Variants in EPB41L5 observed in about 807,000 individuals in gnomAD.
The protein encoded by EPB41L5 is erythrocyte membrane protein band 4.1 like 5.
A neutral mutation model predicts 106.6 loss-of-function variants in EPB41L5; 55 were observed. The observed-to-expected ratio is 0.52, with a 90% CI of 0.42 to 0.65. The LOEUF (loss-of-function observed/expected upper bound fraction) is 0.65. Ranked by LOEUF, EPB41L5 falls within the 30% of genes least tolerant of loss-of-function variation. The pLI, the probability that EPB41L5 is intolerant of heterozygous loss-of-function variation, is 0.00. For missense variants in EPB41L5, 871 were observed against 882.1 expected, an observed-to-expected ratio of 0.99 and a Z score of 0.16; for synonymous variants, 297 against 306.7, an observed-to-expected ratio of 0.97 and a Z score of 0.33.
chr2:120,075,476 G>A lies in EPB41L5; in HGVS notation c.408G>A (p.Arg136=). 3 of 1,576,806 alleles carry A rather than the reference G, an allele frequency of 1.9e-6. No homozygotes were observed. The highest frequency in any genetic ancestry group is 2.6e-6 in the Non-Finnish European group (3 of 1,148,192). Residue 136 remains arginine, a splice_region_variant and synonymous_variant, in exon 6 of 25, where the codon CGG becomes CGA. Coordinates refer to ENST00000263713, the MANE Select transcript of EPB41L5 (RefSeq NM_020909.4). ...AATTTGTGCCTTTCATTTTTCTTAG[G>A]TATTTATTTGTTCTTCAGTTAAAAC... ...EPNNLREELT[R]YLFVLQLKQD...
intron 19 of EPB41L5, among the ~76,000 whole-genome samples, chr2:120,145,673 G>A (rs964033138): frequency 3.9e-5 from 6 of 152,220 alleles, no homozygotes; most frequent in South Asian, 2.1e-4. Flanking sequence ...TGCCAGGTGC[G>A]GTGCCTCATG....
chr2:120,018,905 C>G (rs1003325383), intron 1 of EPB41L5, among the ~76,000 whole-genome samples, 172 bp from the exon 2 acceptor site: 3 of 152,104 alleles, frequency 2.0e-5, no homozygotes, highest in Non-Finnish European at 4.4e-5. Flanking sequence ...CTAGGCCTCC[C>G]GAAGTGTTGA....
intron 14 of EPB41L5, among the ~76,000 whole-genome samples, chr2:120,097,809 AAG>A (rs1231275525): frequency 3.3e-5 from 5 of 152,246 alleles, no homozygotes; most frequent in African/African-American, 1.2e-4. Context: ...ATGGAAGTGA[AAG>A]AATGTATATA....
chr2:120,014,722 C>T (rs956872971), intron 1 of EPB41L5, among the ~76,000 whole-genome samples: 2 of 151,938 alleles, frequency 1.3e-5, no homozygotes, highest in Non-Finnish European at 2.9e-5. Context: ...GAAAAATGGT[C>T]CAGAATTAAA....
At chr2:120,089,005 ACTC>A (rs1683240599) in intron 11 of EPB41L5, among the ~76,000 whole-genome samples, 2 of 151,866 alleles carry the variant, frequency 1.3e-5, no homozygotes, top group Admixed American at 6.6e-5. Context: ...AGTATCGTCT[ACTC>A]CTTGTTTTGC....
At chr2:120,061,683 T>G (rs766056578) in intron 3 of EPB41L5, among the ~76,000 whole-genome samples, 4 of 152,124 alleles carry the variant, frequency 2.6e-5, no homozygotes, top group Non-Finnish European at 4.4e-5. Flanking sequence ...AAAAATAAGT[T>G]AGTTAGATGG....
rs1687983063 is a variant in EPB41L5 at position 120,178,155 on chromosome 2, T to C, written c.*3248T>C. On this transcript the variant is annotated 3_prime_UTR_variant, in exon 25 of 25. Coordinates refer to ENST00000263713, the MANE Select transcript of EPB41L5 (RefSeq NM_020909.4). ...AGCAGCAGCAGCCCCAGCACAGCTG[T>C]GTTCCTGCGGAGTCCCCTTTACAAA... is the stretch of plus-strand genomic sequence containing the variant. 1 of 152,458 alleles carries C rather than the reference T, an allele frequency of 6.6e-6. No individual in the cohort carries two copies. The highest frequency in any genetic ancestry group is 1.5e-5 in the Non-Finnish European group (1 of 68,080). The allele number at this position is 152,458 out of a possible 1,614,324, so 9.4% of individuals were successfully genotyped here.
chr2:120,082,652 A>G (rs1191450228), intron 10 of EPB41L5, among the ~76,000 whole-genome samples: 3 of 152,108 alleles, frequency 2.0e-5, no homozygotes, highest in Non-Finnish European at 1.5e-5. Context: ...CTCTTTTTCT[A>G]TCAGTTAGAA....
At chr2:120,055,951 C>T (rs1680621000) in intron 3 of EPB41L5, among the ~76,000 whole-genome samples, 1 of 152,046 alleles carries the variant, frequency 6.6e-6, no homozygotes. Context: ...CCTCAGTGCC[C>T]TGGCTAGAAC....
chr2:120,026,660 C>T (rs960077203), intron 2 of EPB41L5, among the ~76,000 whole-genome samples: 8 of 152,010 alleles, frequency 5.3e-5, no homozygotes, highest in Non-Finnish European at 8.8e-5. Flanking sequence ...TGAGCCACTG[C>T]GCCCGGCCTG....
intron 12 of EPB41L5, among the ~76,000 whole-genome samples, chr2:120,091,352 A>G (rs992430021): frequency 6.6e-6 from 1 of 152,334 alleles, no homozygotes; most frequent in Non-Finnish European, 1.5e-5. Context: ...AGAAAAATAA[A>G]ACCAACATAA....
intron 2 of EPB41L5, among the ~76,000 whole-genome samples, chr2:120,033,967 A>G (rs1186592027): frequency 4.0e-5 from 6 of 151,524 alleles, no homozygotes; most frequent in African/African-American, 1.2e-4. Context: ...ATGATGGTGC[A>G]CACCTGTGGT....
chr2:120,073,292 G>A (rs1303719053), intron 4 of EPB41L5, 72 bp downstream of exon 4: 5 of 1,251,260 alleles, frequency 4.0e-6, no homozygotes, highest in African/African-American at 1.5e-5. Flanking sequence ...TTTCTAATAG[G>A]ATGTAAGAAA....
chr2:120,062,065 T>C (rs1681122091), intron 3 of EPB41L5, among the ~76,000 whole-genome samples: 2 of 152,196 alleles, frequency 1.3e-5, no homozygotes, highest in South Asian at 4.1e-4. Flanking sequence ...ATGACAAGGA[T>C]GCCTACTATT....
intron 18 of EPB41L5, among the ~76,000 whole-genome samples, 194 bp from the exon 19 acceptor site, chr2:120,142,809 G>A (rs1268759993): frequency 6.6e-6 from 1 of 152,064 alleles, no homozygotes; most frequent in Non-Finnish European, 1.5e-5. Context: ...GCCCTACAGA[G>A]GCTGTTCCTT....
chr2:120,163,260 C>CG (rs936353069), intron 21 of EPB41L5, among the ~76,000 whole-genome samples: 20 of 54,510 alleles, frequency 3.7e-4, no homozygotes, highest in African/African-American at 1.8e-3. Flanking sequence ...GTCCCTCTGC[C>CG]CCCCCCCCCC....
intron 20 of EPB41L5, among the ~76,000 whole-genome samples, chr2:120,150,933 C>T (rs1194934634): frequency 6.6e-6 from 1 of 152,088 alleles, no homozygotes; most frequent in Non-Finnish European, 1.5e-5. Flanking sequence ...TATAAGAAAC[C>T]ATTGTGAAAT....
At chr2:120,041,806 A>G (rs988892997) in intron 2 of EPB41L5, among the ~76,000 whole-genome samples, 200 bp from the exon 3 acceptor site, 4 of 152,222 alleles carry the variant, frequency 2.6e-5, no homozygotes, top group African/African-American at 9.6e-5. Flanking sequence ...GAAAACACAT[A>G]AATCGCAAAT....
rs373493974 is a variant in EPB41L5, at chr2:120,117,173, ACT to A, written c.1338-10512_1338-10511del. Among the ~76,000 whole-genome samples the A allele has an allele frequency of 1.4e-4, 21 of 152,120 alleles. 1 individual carries two copies. In the South Asian group the frequency reaches 3.9e-3, roughly 29 times the overall value. Reference sequence around the variant, plus strand: ...TCTCTTAATCCAAATTCATGCCAACACTCTAACTCCCAAGTGAGTTGCCAGGG... The same window carrying A: ...TCTCTTAATCCAAATTCATGCCAACACTAACTCCCAAGTGAGTTGCCAGGG... On this transcript the variant is annotated intron_variant, in intron 16 of 24. Coordinates refer to ENST00000263713, the MANE Select transcript of EPB41L5 (RefSeq NM_020909.4).
Sources: allele counts gnomAD v4.1 joint callset (sites outside exome capture counted in the v4.1 genomes callset), GRCh38; gene constraint gnomAD v4.1.1; transcripts MANE v1.5; gene names NCBI Gene and HGNC (gene_info 2026-07-23, HGNC 2026-07-21).